Variants in DMD observed in about 807,000 individuals in gnomAD.
DMD encodes the protein mutant dystrophin.
DMD carries 63 observed loss-of-function variants against 330.1 expected under a neutral mutation model. The observed-to-expected ratio is 0.19, with a 90% confidence interval of 0.16 to 0.24. The LOEUF (loss-of-function observed/expected upper bound fraction) is 0.24, where lower values mean the gene tolerates loss of function less well. DMD is among the 10% of genes least tolerant of loss of function. The probability of loss-of-function intolerance (pLI) is 1.00; values close to 1 mark genes in which losing one functional copy is unlikely to be tolerated. For synonymous variants in DMD, 1,223 were observed against 959.8 expected (o/e 1.27, Z -5.07); for missense variants, 3,344 against 2,684.1 (o/e 1.25, Z -5.43).
At chrX:32,107,631 G>A (rs61549924) in intron 44 of DMD, among the ~76,000 whole-genome samples, 23,154 of 109,504 alleles carry the variant, frequency 0.21, 3,006 homozygotes, top group African/African-American at 0.48. Flanking sequence ...TTGCTCAGGG[G>A]AGGGTCAGTG....
intron 22 of DMD, among the ~76,000 whole-genome samples, chrX:32,470,977 TATA>T (rs1341736400): frequency 8.9e-6 from 1 of 111,818 alleles, no homozygotes; most frequent in Non-Finnish European, 1.9e-5. Flanking sequence ...TGTAGTATTT[TATA>T]ATAAGTAGGA....
intron 55 of DMD, among the ~76,000 whole-genome samples, chrX:31,518,343 G>A (rs1207777490): frequency 1.8e-5 from 2 of 110,621 alleles, no homozygotes; most frequent in Non-Finnish European, 3.8e-5. Flanking sequence ...AAAATACTGT[G>A]CTGCAATATT....
At chrX:31,692,097 T>A (rs1020879078) in intron 52 of DMD, among the ~76,000 whole-genome samples, 2 of 111,479 alleles carry the variant, frequency 1.8e-5, no homozygotes, top group Non-Finnish European at 3.8e-5. Context: ...AAATTAGAAA[T>A]CAATTACATG....
At chrX:33,015,270 C>A (rs995758414) in intron 2 of DMD, among the ~76,000 whole-genome samples, 1 of 111,701 alleles carries the variant, frequency 9.0e-6, no homozygotes, top group African/African-American at 3.3e-5. Flanking sequence ...CTCAAATGCC[C>A]GTCAATGATA....
chrX:32,478,350 C>A (rs2041459787), intron 21 of DMD, among the ~76,000 whole-genome samples: 1 of 111,643 alleles, frequency 9.0e-6, no homozygotes, highest in Non-Finnish European at 1.9e-5. Context: ...CCATGCCAAC[C>A]AGATCCCACC....
At chrX:31,205,406 ATT>A (rs1234976709) in intron 66 of DMD, among the ~76,000 whole-genome samples, 2 of 112,160 alleles carry the variant, frequency 1.8e-5, no homozygotes, top group Middle Eastern at 4.6e-3. Context: ...TGCATTTAAT[ATT>A]TTTGTTTCAC....
chrX:32,966,624 C>T (rs2092166280), intron 2 of DMD, among the ~76,000 whole-genome samples: 1 of 111,753 alleles, frequency 8.9e-6, no homozygotes, highest in African/African-American at 3.2e-5. Context: ...GCTGCGACTT[C>T]ATGCAGACTG....
chrX:31,812,334 G>A (rs768814803), intron 50 of DMD, among the ~76,000 whole-genome samples: 7 of 100,631 alleles, frequency 7.0e-5, no homozygotes, highest in African/African-American at 2.2e-4. Flanking sequence ...ACCAAACACC[G>A]CATATTCTCA....
At chrX:31,661,727 A>G (rs866481596) in intron 53 of DMD, among the ~76,000 whole-genome samples, 3 of 109,316 alleles carry the variant, frequency 2.7e-5, no homozygotes, top group Middle Eastern at 4.8e-3. Flanking sequence ...GTGTGTGTGT[A>G]TGTGTGTGTG....
intron 2 of DMD, among the ~76,000 whole-genome samples, chrX:33,003,483 A>G (rs16990811): frequency 0.16 from 18,332 of 111,340 alleles, 2,054 homozygotes; most frequent in African/African-American, 0.4. Flanking sequence ...TGATTAGCTT[A>G]CCTATAACAA....
chrX:32,726,418 G>C (rs2066889393), intron 7 of DMD, among the ~76,000 whole-genome samples: 1 of 111,154 alleles, frequency 9.0e-6, no homozygotes, highest in African/African-American at 3.3e-5. Flanking sequence ...TCTACTTGAT[G>C]GTCATGTGAC....
chrX:32,983,710 G>A (rs185393869), intron 2 of DMD, among the ~76,000 whole-genome samples: 11 of 111,277 alleles, frequency 9.9e-5, no homozygotes, highest in East Asian at 5.7e-4. Context: ...TAGGATATCC[G>A]TATTATTTCT....
chrX:31,527,117 A>G (rs2073302512), intron 55 of DMD, among the ~76,000 whole-genome samples: 1 of 111,332 alleles, frequency 9.0e-6, no homozygotes. Flanking sequence ...CCTGTCTCCA[A>G]AAAAAAGGGG....
chrX:31,742,002 A>C (rs919166340), intron 51 of DMD, among the ~76,000 whole-genome samples: 3 of 112,161 alleles, frequency 2.7e-5, no homozygotes, highest in African/African-American at 9.7e-5. Context: ...TTTATGTTAT[A>C]GAGAGGGCTT....
intron 48 of DMD, among the ~76,000 whole-genome samples, chrX:31,841,670 T>C (rs2093320950): frequency 8.9e-6 from 1 of 112,198 alleles, no homozygotes; most frequent in Non-Finnish European, 1.9e-5. Context: ...CTTAAGATTA[T>C]GCTAATAGAC....
At chrX:31,589,862 A>G (rs2076789499) in intron 55 of DMD, among the ~76,000 whole-genome samples, 1 of 111,677 alleles carries the variant, frequency 9.0e-6, no homozygotes, top group African/African-American at 3.2e-5. Context: ...TACACAATCT[A>G]TGCATGTAAC....
At chrX:31,679,789 G>A (rs1026555353) in intron 52 of DMD, among the ~76,000 whole-genome samples, 1 of 111,909 alleles carries the variant, frequency 8.9e-6, no homozygotes, top group Non-Finnish European at 1.9e-5. Context: ...TTTCCTGAAG[G>A]TGACATAGAA....
intron 55 of DMD, among the ~76,000 whole-genome samples, chrX:31,574,138 T>TG (rs2147972116): frequency 1.0e-5 from 1 of 96,221 alleles, no homozygotes; most frequent in African/African-American, 3.8e-5. Context: ...CTGTTTGTTT[T>TG]TTTTTTTGTT....
intron 45 of DMD, among the ~76,000 whole-genome samples, chrX:31,966,103 A>T (rs752851469): frequency 1.6e-4 from 18 of 111,340 alleles, no homozygotes; most frequent in African/African-American, 5.5e-4. Context: ...AACGAAGACT[A>T]CTGTTGTTAA....
Sources: gnomAD v4.1 joint callset for allele counts (sites outside exome capture counted in the v4.1 genomes callset) on GRCh38, gnomAD v4.1.1 for gene constraint, MANE v1.5 for transcripts, NCBI Gene and HGNC (gene_info 2026-07-23, HGNC 2026-07-21) for gene names.